USP28: variants seen among roughly 807,000 people sequenced by gnomAD.
The protein encoded by USP28 is ubiquitin specific peptidase 28, also known as ubiquitin carboxyl-terminal hydrolase 28.
Under a neutral mutation model 145.0 loss-of-function variants are expected in USP28, and 113 were observed. The observed-to-expected ratio is 0.78, with a 90% confidence interval of 0.67 to 0.91. The LOEUF (loss-of-function observed/expected upper bound fraction) is 0.91, where lower values mean the gene tolerates loss of function less well. Among genes scored for constraint, USP28 ranks in the 40% least tolerant of loss-of-function variants. The pLI, the probability that USP28 is intolerant of heterozygous loss-of-function variation, is 0.00. For synonymous variants in USP28, 447 were observed against 450.9 expected (o/e 0.99, Z 0.11); for missense variants, 1,201 against 1,289.6 (o/e 0.93, Z 1.05).
In USP28 at chr11:113,813,869, T is replaced by C; in HGVS notation, c.1743+16A>G. On this transcript the variant is annotated intron_variant, in intron 15 of 24. Transcript: ENST00000003302. ...AGCACATGCCTTGACTACTTTCCCATCAATTTTCATTCTACCTGACGAAGG... is the reference window on the plus strand; with the variant it reads ...AGCACATGCCTTGACTACTTTCCCACCAATTTTCATTCTACCTGACGAAGG... 1 of 1,607,214 alleles carries C rather than the reference T, an allele frequency of 6.2e-7. No individual in the cohort carries two copies. The highest frequency in any genetic ancestry group is 8.5e-7 in the Non-Finnish European group (1 of 1,176,038).
chr11:113,808,920 G>C, intron 17 of USP28, 143 bp downstream of exon 17: 1 of 740,910 alleles, frequency 1.3e-6, no homozygotes, highest in Non-Finnish European at 2.2e-6. Context: ...CATTCCATCA[G>C]GTTGTACCTG....
At chr11:113,854,107 A>T in intron 2 of USP28, 151 bp downstream of exon 2, 1 of 648,602 alleles carries the variant, frequency 1.5e-6, no homozygotes. Flanking sequence ...TATAATTTAC[A>T]TGTTGAAGAC....
Position 113,805,262 on chromosome 11 carries a change from T to TC in USP28, c.2401-217_2401-216insG, listed in dbSNP as rs1227145255. On this transcript the variant is annotated intron_variant, in intron 19 of 24. Coordinates refer to ENST00000003302, the Ensembl canonical transcript of USP28. ...CTGGCACCAAAAACATACTGTACTT[T>TC]TTTTTTTTTTTGAGACAGAGTATCA... is the stretch of plus-strand genomic sequence containing the variant. 2.5e-3 allele frequency among the ~76,000 whole-genome samples: 385 copies of TC among 151,180 alleles called. 4 individuals carry two copies. Among genetic ancestry groups the TC allele is most frequent in the African/African-American group, 8.9e-3 (365 of 41,144 alleles).
At chr11:113,835,047 A>T (rs1944418653) in intron 5 of USP28, among the ~76,000 whole-genome samples, 1 of 152,190 alleles carries the variant, frequency 6.6e-6, no homozygotes, top group Non-Finnish European at 1.5e-5. Flanking sequence ...AGAAATTTGT[A>T]ACATTAATTT....
Position 113,803,135 on chromosome 11 carries a change from A to G in USP28, c.2862+23T>C, listed in dbSNP as rs1939337943. 2.5e-6 allele frequency: 4 copies of G among 1,599,788 alleles called. No homozygotes were observed. In the East Asian group the frequency reaches 9.0e-5, roughly 36 times the overall value. ...CAGAGGTAAACAACAAAAAAACCTT[A>G]AGGCTTTACAAACAGTACAAACCAG... is the stretch of plus-strand genomic sequence containing the variant. On this transcript the variant is annotated intron_variant, in intron 23 of 24. Transcript: ENST00000003302.
chr11:113,812,502 C>T, exon 16 of USP28: 8 of 1,613,706 alleles, frequency 5.0e-6, no homozygotes, highest in Non-Finnish European at 6.8e-6. Flanking sequence ...AGCGATAAGG[C>T]ACCTGTAAGT....
chr11:113,857,737 T>C (rs1234799000), intron 1 of USP28, among the ~76,000 whole-genome samples: 2 of 152,242 alleles, frequency 1.3e-5, no homozygotes, highest in Non-Finnish European at 2.9e-5. Flanking sequence ...TTATTTACAT[T>C]TGACCTTGGA....
At chr11:113,802,467 G>C (rs1326179682) in intron 23 of USP28, among the ~76,000 whole-genome samples, 1 of 152,196 alleles carries the variant, frequency 6.6e-6, no homozygotes, top group Non-Finnish European at 1.5e-5. Context: ...AATTTGCTGG[G>C]TATTGGTGAA....
exon 19 of USP28, chr11:113,806,581 T>C (rs1217845756): frequency 1.3e-6 from 2 of 1,570,542 alleles, no homozygotes; most frequent in Admixed American, 3.9e-5. Flanking sequence ...GGGCTCAGCA[T>C]CACCTACCAC....
At chr11:113,814,008 C>G in intron 14 of USP28, 53 bp from the exon 15 acceptor site, 2 of 1,361,802 alleles carry the variant, frequency 1.5e-6, no homozygotes, top group South Asian at 2.5e-5. Flanking sequence ...CATTCTATGT[C>G]ACACAGGCTA....
chr11:113,845,401 A>C (rs72995397), intron 3 of USP28, among the ~76,000 whole-genome samples: 5,006 of 151,772 alleles, frequency 0.033, 110 homozygotes, highest in Non-Finnish European at 0.054. Flanking sequence ...GCGCCACTGC[A>C]CTCCAACCTG....
intron 13 of USP28, among the ~76,000 whole-genome samples, chr11:113,816,645 A>G (rs1393955902): frequency 6.6e-6 from 1 of 152,212 alleles, no homozygotes; most frequent in Non-Finnish European, 1.5e-5. Flanking sequence ...ACAAGGGAAC[A>G]GATATCTCAA....
Position 113,853,264 on chromosome 11 carries a change from C to G in USP28, c.136-631G>C, listed in dbSNP as rs567452646. On this transcript the variant is annotated intron_variant, in intron 2 of 24. Transcript: ENST00000003302. Reference sequence around the variant, plus strand: ...GAGCCGAGATCACACCACTGCACTGCAGGCAAGGCAACTGAGTGAGATCCT... The same window carrying G: ...GAGCCGAGATCACACCACTGCACTGGAGGCAAGGCAACTGAGTGAGATCCT... Among the ~76,000 whole-genome samples the G allele has an allele frequency of 5.0e-5, 6 of 120,722 alleles. No homozygotes were observed. The East Asian group carries it at 1.3e-3, about 27-fold the overall frequency. 79.2% of individuals were successfully genotyped at this position (120,722 alleles called of 152,430 possible).
chr11:113,874,073 G>C (rs1226913072), intron 1 of USP28, among the ~76,000 whole-genome samples: 1 of 150,438 alleles, frequency 6.6e-6, no homozygotes, highest in Non-Finnish European at 1.5e-5. Flanking sequence ...CCCGGGAGAC[G>C]GAAGTTGCAG....
At position 113,872,129 on chromosome 11, in the gene USP28, C is replaced by T. The variant is rs146980285; in HGVS notation, c.57+3316G>A. 2.2e-3 allele frequency among the ~76,000 whole-genome samples: 336 copies of T among 152,330 alleles called. 2 individuals carry two copies. The highest frequency in any genetic ancestry group is 7.5e-3 in the African/African-American group (314 of 41,590). On this transcript the variant is annotated intron_variant, in intron 1 of 24. Transcript: ENST00000003302. ...TATTACTATTACCAGCATTATTTTC[C>T]TTGTTAAGTACTTGCTTCATTTTAC... is the stretch of plus-strand genomic sequence containing the variant.
At chr11:113,813,268 C>T (rs1006165854) in intron 15 of USP28, among the ~76,000 whole-genome samples, 1 of 152,140 alleles carries the variant, frequency 6.6e-6, no homozygotes, top group African/African-American at 2.4e-5. Flanking sequence ...CAATGCCATT[C>T]TAGAAACAGG....
At chr11:113,851,784 CAAA>C (rs796520144) in intron 3 of USP28, among the ~76,000 whole-genome samples, 2 of 93,000 alleles carry the variant, frequency 2.2e-5, no homozygotes, top group African/African-American at 3.6e-5. Context: ...GACTCCATCT[CAAA>C]AAAAAAAAAA....
chr11:113,798,043 T>C (rs941934894), exon 25 of USP28: 2 of 150,016 alleles, frequency 1.3e-5, no homozygotes, highest in African/African-American at 2.5e-5. Flanking sequence ...TACATATATA[T>C]ATAGTTTTGC....
chr11:113,799,925 A>AAAGGG (rs1164026616), intron 24 of USP28, among the ~76,000 whole-genome samples: 3 of 152,262 alleles, frequency 2.0e-5, no homozygotes, highest in Non-Finnish European at 4.4e-5. Flanking sequence ...TGAAGACAGT[A>AAAGGG]AAGGGAAACA....
Sources: allele counts gnomAD v4.1 joint callset (sites outside exome capture counted in the v4.1 genomes callset), GRCh38; gene constraint gnomAD v4.1.1; transcripts MANE v1.5; gene names NCBI Gene and HGNC (gene_info 2026-07-23, HGNC 2026-07-21).